RP1: variants seen among roughly 807,000 people sequenced by gnomAD.
RP1 encodes oxygen-regulated protein 1.
RP1 carries 16 observed loss-of-function variants against 14.8 expected under a neutral mutation model. The observed-to-expected ratio is 1.08, with a 90% CI of 0.73 to 1.65. The LOEUF (loss-of-function observed/expected upper bound fraction) is 1.65, where lower values mean the gene tolerates loss of function less well. Ranked by LOEUF, RP1 falls within the 40% of genes most tolerant of loss-of-function variation. The probability of loss-of-function intolerance (pLI) is 0.00; values close to 1 mark genes in which losing one functional copy is unlikely to be tolerated. For synonymous variants in RP1, 876 were observed against 883.6 expected, an observed-to-expected ratio of 0.99 and a Z score of 0.15; for missense variants, 2,631 against 2,535.0, an observed-to-expected ratio of 1.04 and a Z score of -0.81.
intron 1 of RP1, among the ~76,000 whole-genome samples, chr8:54,566,604 C>T (rs937109003): frequency 2.6e-5 from 4 of 152,122 alleles, no homozygotes; most frequent in Non-Finnish European, 4.4e-5. Context: ...CTCTCTCCTT[C>T]CAGCTGCTTC....
At chr8:54,817,223 T>A (rs1006070789) in intron 24 of RP1, among the ~76,000 whole-genome samples, 1 of 152,058 alleles carries the variant, frequency 6.6e-6, no homozygotes, top group Admixed American at 6.6e-5. Context: ...CAATGGCTGG[T>A]TAGATAATAA....
chr8:54,697,898 G>C (rs745963814), intron 12 of RP1, among the ~76,000 whole-genome samples: 12 of 152,124 alleles, frequency 7.9e-5, no homozygotes, highest in Non-Finnish European at 1.5e-4. Flanking sequence ...ACTCAAGATG[G>C]ATTAAAGACT....
At chr8:54,594,752 C>T (rs1805102215) in intron 1 of RP1, among the ~76,000 whole-genome samples, 1 of 152,040 alleles carries the variant, frequency 6.6e-6, no homozygotes, top group Admixed American at 6.6e-5. Context: ...ACTAGAAGCA[C>T]TGTAATTATT....
intron 22 of RP1, among the ~76,000 whole-genome samples, chr8:54,762,603 C>G (rs1209677139): frequency 6.6e-6 from 1 of 152,326 alleles, no homozygotes; most frequent in East Asian, 1.9e-4. Context: ...AGACATTCAA[C>G]TGACTTTATG....
chr8:54,702,647 A>C (rs1808053019), intron 14 of RP1, among the ~76,000 whole-genome samples: 1 of 152,190 alleles, frequency 6.6e-6, no homozygotes, highest in South Asian at 2.1e-4. Context: ...TTAAAATAAG[A>C]CAACAATGAA....
chr8:54,743,640 T>C (rs1332951909), intron 19 of RP1, among the ~76,000 whole-genome samples: 3 of 152,184 alleles, frequency 2.0e-5, no homozygotes, highest in African/African-American at 7.2e-5. Flanking sequence ...TTTTTTCACA[T>C]GTCACTGTCC....
chr8:54,847,239 AGT>A (rs1008026954), intron 25 of RP1, among the ~76,000 whole-genome samples: 1 of 152,200 alleles, frequency 6.6e-6, no homozygotes, highest in African/African-American at 2.4e-5. Flanking sequence ...TACAATGAAT[AGT>A]CACATTTTTC....
chr8:54,852,408 A>C (rs1329285175), intron 25 of RP1, among the ~76,000 whole-genome samples: 2 of 152,222 alleles, frequency 1.3e-5, no homozygotes, highest in African/African-American at 4.8e-5. Context: ...GTAAACATTA[A>C]GTAGCTGGAA....
chr8:54,705,748 G>C (rs1726984421), intron 14 of RP1, among the ~76,000 whole-genome samples: 1 of 151,726 alleles, frequency 6.6e-6, no homozygotes. Context: ...ACTGACCTCA[G>C]TGTTGTTGAG....
intron 12 of RP1, among the ~76,000 whole-genome samples, chr8:54,684,292 C>T (rs187472291): frequency 6.6e-6 from 1 of 151,948 alleles, no homozygotes; most frequent in East Asian, 1.9e-4. Flanking sequence ...TGTATCTCTG[C>T]CAGGTTTTGC....
chr8:54,854,288 T>G (rs780259564), intron 26 of RP1, among the ~76,000 whole-genome samples: 19 of 152,094 alleles, frequency 1.2e-4, no homozygotes, highest in Non-Finnish European at 2.2e-4. Context: ...CAGCATCAAT[T>G]TGTACAAAGA....
intron 3 of RP1, among the ~76,000 whole-genome samples, chr8:54,642,137 A>C (rs1417212246): frequency 6.6e-6 from 1 of 152,220 alleles, no homozygotes; most frequent in Non-Finnish European, 1.5e-5. Context: ...AACAGTTTAC[A>C]TATGATTATT....
chr8:54,834,513 G>T (rs1305051172), intron 24 of RP1, among the ~76,000 whole-genome samples: 1 of 151,852 alleles, frequency 6.6e-6, no homozygotes, highest in African/African-American at 2.4e-5. Flanking sequence ...AGGCCATAAA[G>T]CCCTTGTAGC....
intron 19 of RP1, among the ~76,000 whole-genome samples, chr8:54,746,191 T>C (rs1809220336): frequency 6.6e-6 from 1 of 152,230 alleles, no homozygotes; most frequent in South Asian, 2.1e-4. Flanking sequence ...GAAGCCGTTG[T>C]TTCTAAACAA....
intron 27 of RP1, among the ~76,000 whole-genome samples, chr8:54,860,842 C>T (rs1019578221): frequency 8.5e-5 from 13 of 152,140 alleles, no homozygotes; most frequent in African/African-American, 3.1e-4. Context: ...GTGCTATTGT[C>T]CATTTGACAA....
At chr8:54,680,425 G>A (rs188605493) in intron 12 of RP1, among the ~76,000 whole-genome samples, 22 of 152,296 alleles carry the variant, frequency 1.4e-4, no homozygotes, top group Middle Eastern at 3.4e-3. Context: ...GTAAACGGAT[G>A]ATGGTAGATG....
At chr8:54,811,793 T>C (rs1419145268) in intron 24 of RP1, among the ~76,000 whole-genome samples, 2 of 152,210 alleles carry the variant, frequency 1.3e-5, no homozygotes, top group African/African-American at 4.8e-5. Context: ...GAGCTTGACA[T>C]TTTGATGCTT....
At chr8:54,762,603 C>A (rs1209677139) in intron 22 of RP1, among the ~76,000 whole-genome samples, 1 of 152,208 alleles carries the variant, frequency 6.6e-6, no homozygotes, top group Non-Finnish European at 1.5e-5. Context: ...AGACATTCAA[C>A]TGACTTTATG....
chr8:54,827,918 A>T (rs1811423275), intron 24 of RP1, among the ~76,000 whole-genome samples: 1 of 151,858 alleles, frequency 6.6e-6, no homozygotes, highest in African/African-American at 2.4e-5. Flanking sequence ...AGTAGTAATT[A>T]TTTTTTTCTA....
Sources: allele counts gnomAD v4.1 joint callset (sites outside exome capture counted in the v4.1 genomes callset), GRCh38; gene constraint gnomAD v4.1.1; transcripts MANE v1.5; gene names NCBI Gene and HGNC (gene_info 2026-07-23, HGNC 2026-07-21).